Variants in SHISA9 observed in about 807,000 individuals in gnomAD.
SHISA9 encodes the protein protein shisa-9.
SHISA9 carries 13 observed loss-of-function variants against 38.0 expected under a neutral mutation model. That is an observed-to-expected ratio of 0.34 (90% CI 0.22 to 0.54). The LOEUF (loss-of-function observed/expected upper bound fraction) is 0.54, where lower values mean the gene tolerates loss of function less well. Ranked by LOEUF, SHISA9 falls within the 20% of genes least tolerant of loss-of-function variation. SHISA9 has a pLI of 0.91. For synonymous variants in SHISA9, 275 were observed against 242.0 expected (o/e 1.14, Z -1.27); for missense variants, 538 against 575.8 (o/e 0.93, Z 0.67).
the SHISA9 span, among the ~76,000 whole-genome samples, chr16:13,371,734 C>A: frequency 6.6e-6 from 1 of 152,220 alleles, no homozygotes; most frequent in African/African-American, 2.4e-5. Flanking sequence ...TGCTAAGAAC[C>A]AACTGTGAGC....
intron 2 of SHISA9, among the ~76,000 whole-genome samples, chr16:13,087,147 C>CTTT (rs956913326): frequency 1.8e-3 from 147 of 81,506 alleles, no homozygotes; most frequent in Middle Eastern, 0.011. Flanking sequence ...ATGAACTCGT[C>CTTT]TTTTTTTTTT....
chr16:12,986,040 G>C (rs1329886407), intron 2 of SHISA9, among the ~76,000 whole-genome samples: 4 of 152,196 alleles, frequency 2.6e-5, no homozygotes, highest in African/African-American at 9.7e-5. Context: ...TTCGATTAAA[G>C]GCCCCACGCT....
At chr16:12,950,097 C>T (rs2071735606) in intron 2 of SHISA9, among the ~76,000 whole-genome samples, 1 of 152,160 alleles carries the variant, frequency 6.6e-6, no homozygotes, top group Non-Finnish European at 1.5e-5. Flanking sequence ...TTCGTTCCTA[C>T]ATACAGGTGA....
the SHISA9 span, among the ~76,000 whole-genome samples, chr16:13,272,392 A>G: frequency 6.6e-6 from 1 of 151,936 alleles, no homozygotes; most frequent in Admixed American, 6.6e-5. Flanking sequence ...TTTCTGTTTA[A>G]AAACAATTTT....
intron 4 of SHISA9, among the ~76,000 whole-genome samples, chr16:13,222,792 GTATA>G (rs745719678): frequency 6.3e-5 from 4 of 63,524 alleles, no homozygotes; most frequent in South Asian, 6.1e-4. Context: ...GTGTGTGTAT[GTATA>G]TATATATATA....
At chr16:13,504,451 C>A in the SHISA9 span, among the ~76,000 whole-genome samples, 1 of 152,010 alleles carries the variant, frequency 6.6e-6, no homozygotes, top group Admixed American at 6.6e-5. Context: ...GAACACTGCT[C>A]GAAGCCAAAG....
chr16:13,501,556 T>C, the SHISA9 span, among the ~76,000 whole-genome samples: 4 of 152,234 alleles, frequency 2.6e-5, no homozygotes, highest in Admixed American at 2.0e-4. Context: ...ATTCTCCATT[T>C]GTAATTACAT....
chr16:12,970,743 C>A (rs1355755552), intron 2 of SHISA9, among the ~76,000 whole-genome samples: 1 of 151,174 alleles, frequency 6.6e-6, no homozygotes, highest in African/African-American at 2.4e-5. Flanking sequence ...AGGCTGGTCT[C>A]AAACTCCTGA....
chr16:13,417,291 G>C, the SHISA9 span, among the ~76,000 whole-genome samples: 1 of 152,166 alleles, frequency 6.6e-6, no homozygotes, highest in Admixed American at 6.5e-5. Context: ...TGTCACTCGA[G>C]GGAATTTAGA....
chr16:13,011,347 G>A (rs1242174018), intron 2 of SHISA9, among the ~76,000 whole-genome samples: 5 of 127,362 alleles, frequency 3.9e-5, no homozygotes, highest in African/African-American at 1.5e-4. Context: ...GGCAAGAGCA[G>A]CTACAATCTA....
At chr16:13,531,384 C>T in the SHISA9 span, among the ~76,000 whole-genome samples, 1 of 152,154 alleles carries the variant, frequency 6.6e-6, no homozygotes, top group Admixed American at 6.5e-5. Context: ...AGACACATAT[C>T]TTAAGTGCTT....
intron 2 of SHISA9, among the ~76,000 whole-genome samples, chr16:13,015,890 C>CTTTCTTTCT (rs1453292285): frequency 5.1e-5 from 6 of 117,124 alleles, no homozygotes; most frequent in African/African-American, 1.6e-4. Context: ...TTCTTTCTTT[C>CTTTCTTTCT]TTTCTTTCTT....
chr16:13,065,754 A>G (rs2073427159), intron 2 of SHISA9, among the ~76,000 whole-genome samples: 1 of 152,244 alleles, frequency 6.6e-6, no homozygotes, highest in African/African-American at 2.4e-5. Context: ...TTTCCAAGAA[A>G]GGCAGAAGCA....
the SHISA9 span, among the ~76,000 whole-genome samples, chr16:13,516,726 A>G: frequency 2.6e-5 from 4 of 151,550 alleles, no homozygotes; most frequent in African/African-American, 9.7e-5. Context: ...CTTGAACCCG[A>G]GGCAGAGTTT....
intron 2 of SHISA9, among the ~76,000 whole-genome samples, chr16:13,201,930 C>G (rs1416220037): frequency 9.2e-6 from 1 of 108,962 alleles, no homozygotes; most frequent in African/African-American, 3.9e-5. Flanking sequence ...GGGGATCTTT[C>G]AAGGCACCAC....
chr16:13,119,625 C>G (rs967908041), intron 2 of SHISA9, among the ~76,000 whole-genome samples: 1 of 152,188 alleles, frequency 6.6e-6, no homozygotes, highest in Non-Finnish European at 1.5e-5. Context: ...TATAATTAAG[C>G]TGTCACTCTT....
At chr16:13,027,933 C>CA (rs1240201539) in intron 2 of SHISA9, among the ~76,000 whole-genome samples, 6,366 of 102,284 alleles carry the variant, frequency 0.062, 417 homozygotes, top group South Asian at 0.13. Flanking sequence ...GTCTCAAAAA[C>CA]AAAAAAAAAA....
At chr16:13,517,139 G>T in the SHISA9 span, among the ~76,000 whole-genome samples, 4 of 152,278 alleles carry the variant, frequency 2.6e-5, no homozygotes, top group South Asian at 8.3e-4. Flanking sequence ...GACATGCAGA[G>T]ACACACATAG....
chr16:12,966,659 G>A (rs767745788), intron 2 of SHISA9, among the ~76,000 whole-genome samples: 9 of 152,164 alleles, frequency 5.9e-5, no homozygotes, highest in African/African-American at 9.7e-5. Context: ...GGAATAATCT[G>A]TATGCAAAAC....
Sources: allele counts gnomAD v4.1 joint callset (sites outside exome capture counted in the v4.1 genomes callset), GRCh38; gene constraint gnomAD v4.1.1; transcripts MANE v1.5; gene names NCBI Gene and HGNC (gene_info 2026-07-23, HGNC 2026-07-21).